Variants in SAMMSON observed in about 807,000 individuals in gnomAD.
SAMMSON encodes survival associated mitochondrial melanoma specific oncogenic non-coding RNA, also known as long intergenic non-protein coding RNA 1212.
intron 4 of SAMMSON, among the ~76,000 whole-genome samples, chr3:70,239,930 G>A (rs192347076): frequency 1.4e-4 from 21 of 152,264 alleles, no homozygotes; most frequent in Admixed American, 1.2e-3. Flanking sequence ...CTTTGTGTGT[G>A]TGTGTGTGTT....
At chr3:70,254,962 T>C (rs115868485) in intron 6 of SAMMSON, among the ~76,000 whole-genome samples, 1,540 of 152,320 alleles carry the variant, frequency 0.01, 7 homozygotes, top group Middle Eastern at 0.031. Context: ...GAATGTGCAA[T>C]AATGTATTTG....
At chr3:70,042,743 G>A (rs971689751) in intron 3 of SAMMSON, among the ~76,000 whole-genome samples, 13 of 152,086 alleles carry the variant, frequency 8.5e-5, no homozygotes, top group African/African-American at 2.9e-4. Context: ...TGAACTGAGT[G>A]AATAAATTAT....
intron 1 of SAMMSON, among the ~76,000 whole-genome samples, chr3:70,003,590 T>C (rs2066914650): frequency 6.6e-6 from 1 of 151,894 alleles, no homozygotes; most frequent in African/African-American, 2.4e-5. Flanking sequence ...ACTTTAATGC[T>C]ATTTATTCTC....
chr3:70,432,927 T>G (rs1344188502), intron 2 of SAMMSON, among the ~76,000 whole-genome samples: 1 of 152,012 alleles, frequency 6.6e-6, no homozygotes, highest in Admixed American at 6.6e-5. Context: ...TGTAGTTTTT[T>G]CAGATTGACT....
At chr3:70,126,217 C>A (rs755774146) in intron 4 of SAMMSON, 28 of 1,037,084 alleles carry the variant, frequency 2.7e-5, no homozygotes, top group East Asian at 5.2e-5. Context: ...ATAACCAATT[C>A]TTTCTTTTCT....
chr3:70,253,979 C>G (rs887264757), intron 6 of SAMMSON, among the ~76,000 whole-genome samples: 1 of 152,032 alleles, frequency 6.6e-6, no homozygotes, highest in Non-Finnish European at 1.5e-5. Context: ...ATATAGCTAG[C>G]TCAGAAGATT....
intron 4 of SAMMSON, among the ~76,000 whole-genome samples, chr3:70,087,319 ATTAACT>A (rs2067289169): frequency 6.6e-6 from 1 of 152,218 alleles, no homozygotes; most frequent in African/African-American, 2.4e-5. Flanking sequence ...TTGATGGAAA[ATTAACT>A]TAAAAAGTTT....
chr3:70,429,939 C>A (rs1473256169), intron 2 of SAMMSON, among the ~76,000 whole-genome samples: 2 of 152,110 alleles, frequency 1.3e-5, no homozygotes, highest in Non-Finnish European at 1.5e-5. Context: ...TCCTTTCTTC[C>A]TATTTGAATA....
chr3:70,054,183 G>C (rs2067157725), intron 3 of SAMMSON, among the ~76,000 whole-genome samples: 1 of 152,072 alleles, frequency 6.6e-6, no homozygotes, highest in African/African-American at 2.4e-5. Context: ...TTAATTTTAA[G>C]AGCATTAATA....
intron 6 of SAMMSON, among the ~76,000 whole-genome samples, chr3:70,266,915 C>T (rs1575610490): frequency 6.6e-6 from 1 of 152,204 alleles, no homozygotes; most frequent in African/African-American, 2.4e-5. Context: ...AAGGCATGGC[C>T]TGGCAATGGG....
In SAMMSON at chr3:70,365,970, CTTTTTTTTTTTTTTTTTTTT is replaced by C. The variant is rs1193657961; in HGVS notation, n.913+7658_913+7677del. On this transcript the variant is annotated intron_variant and non_coding_transcript_variant, in intron 9 of 9. Coordinates refer to ENST00000642114, the Ensembl canonical transcript of SAMMSON. ...AAAAATTGTTTGTGCTTTACCTTTT[CTTTTTTTTTTTTTTTTTTTT>C]TTTTTTTTTTTGAGACGGAGTCTCG... 7.2e-5 allele frequency among the ~76,000 whole-genome samples: 2 copies of C among 27,766 alleles called. 1 individual carries two copies. Among genetic ancestry groups the C allele is most frequent in the Admixed American group, 8.7e-4 (2 of 2,288 alleles). The allele number at this position is 27,766 out of a possible 152,430, so 18.2% of individuals were successfully genotyped here.
At chr3:70,238,561 A>C (rs1282445588) in intron 4 of SAMMSON, among the ~76,000 whole-genome samples, 1 of 152,026 alleles carries the variant, frequency 6.6e-6, no homozygotes, top group Non-Finnish European at 1.5e-5. Flanking sequence ...GCAATGAGCC[A>C]TGATCACACC....
intron 4 of SAMMSON, among the ~76,000 whole-genome samples, chr3:70,097,852 T>G (rs1243456057): frequency 6.6e-6 from 1 of 152,154 alleles, no homozygotes; most frequent in African/African-American, 2.4e-5. Flanking sequence ...GATACTGGAA[T>G]AAACAAACCA....
intron 7 of SAMMSON, among the ~76,000 whole-genome samples, chr3:70,336,822 G>C (rs1286724685): frequency 7.0e-6 from 1 of 142,322 alleles, no homozygotes; most frequent in South Asian, 2.2e-4. Flanking sequence ...GTTTGTGTGT[G>C]TGTGTGTGTG....
At chr3:70,356,487 A>T (rs1403775062) in intron 8 of SAMMSON, among the ~76,000 whole-genome samples, 1 of 152,036 alleles carries the variant, frequency 6.6e-6, no homozygotes, top group Non-Finnish European at 1.5e-5. Flanking sequence ...ATATTTTAAA[A>T]TTTTCTTGAT....
intron 4 of SAMMSON, among the ~76,000 whole-genome samples, chr3:70,237,751 A>G (rs1344280247): frequency 6.6e-6 from 1 of 152,240 alleles, no homozygotes; most frequent in Non-Finnish European, 1.5e-5. Context: ...TGGGCTTTGA[A>G]TAATGTGCAT....
chr3:70,178,185 C>G (rs1701022861), intron 4 of SAMMSON, among the ~76,000 whole-genome samples: 1 of 152,230 alleles, frequency 6.6e-6, no homozygotes, highest in African/African-American at 2.4e-5. Context: ...CCAGGCTCTT[C>G]TCTAATGCCA....
intron 3 of SAMMSON, among the ~76,000 whole-genome samples, chr3:70,038,940 G>A (rs1444864007): frequency 3.9e-5 from 6 of 152,248 alleles, no homozygotes; most frequent in African/African-American, 9.6e-5. Flanking sequence ...GAGCCAGTCC[G>A]GAGCTAACAG....
intron 7 of SAMMSON, among the ~76,000 whole-genome samples, chr3:70,346,944 A>G (rs531409151): frequency 2.6e-5 from 4 of 152,296 alleles, no homozygotes; most frequent in African/African-American, 7.2e-5. Context: ...TGATCTGGCA[A>G]TGAAACTGAT....
Sources: gnomAD v4.1 joint callset for allele counts (sites outside exome capture counted in the v4.1 genomes callset) on GRCh38, gnomAD v4.1.1 for gene constraint, MANE v1.5 for transcripts, NCBI Gene and HGNC (gene_info 2026-07-23, HGNC 2026-07-21) for gene names.